The following B4GALNT2 variants were observed in gnomAD, a reference collection of about 807,000 sequenced individuals.
B4GALNT2 encodes the protein N-acetylneuraminylgalactosylglucosyl-glucoside beta-1,4-N- acetylgalactosaminyltransferase 2.
B4GALNT2 carries 42 observed loss-of-function variants against 51.1 expected under a neutral mutation model. The observed-to-expected ratio is 0.82, with a 90% CI of 0.64 to 1.06. The LOEUF (loss-of-function observed/expected upper bound fraction) is 1.06, where lower values mean the gene tolerates loss of function less well. Among genes scored for constraint, B4GALNT2 ranks in the 50% least tolerant of loss-of-function variants. The pLI, the probability that B4GALNT2 is intolerant of heterozygous loss-of-function variation, is 0.00. For synonymous variants in B4GALNT2, 253 were observed against 251.7 expected (o/e 1.01, Z -0.05); for missense variants, 602 against 633.6 (o/e 0.95, Z 0.54).
At chr17:49,134,068 TC>T (rs770148665) in intron 1 of B4GALNT2, among the ~76,000 whole-genome samples, 1 of 152,064 alleles carries the variant, frequency 6.6e-6, no homozygotes, top group South Asian at 2.1e-4. Flanking sequence ...TTCCCCAACT[TC>T]CCCCACTCCA....
At chr17:49,163,062 C>A (rs571251388) in intron 7 of B4GALNT2, among the ~76,000 whole-genome samples, 1 of 152,190 alleles carries the variant, frequency 6.6e-6, no homozygotes, top group Middle Eastern at 3.4e-3. Flanking sequence ...TGGCTTCCAG[C>A]ATGCATTAAC....
intron 3 of B4GALNT2, among the ~76,000 whole-genome samples, chr17:49,148,157 G>C (rs1343803192): frequency 6.6e-6 from 1 of 151,806 alleles, no homozygotes; most frequent in Non-Finnish European, 1.5e-5. Flanking sequence ...AAAATTAGTC[G>C]AGCGTGATGG....
intron 4 of B4GALNT2, 25 bp from the exon 5 acceptor site, chr17:49,156,540 TC>T: frequency 6.2e-7 from 1 of 1,613,528 alleles, no homozygotes; most frequent in Non-Finnish European, 8.5e-7. Context: ...TGAGCAGTTT[TC>T]TTTCCTTTTC....
chr17:49,128,693 G>A (rs183672823), upstream of B4GALNT2, among the ~76,000 whole-genome samples: 25 of 152,220 alleles, frequency 1.6e-4, no homozygotes, highest in South Asian at 4.4e-3. Flanking sequence ...CCTTCGGCTC[G>A]AAATTTTAAC....
upstream of B4GALNT2, among the ~76,000 whole-genome samples, chr17:49,127,545 C>A (rs970715511): frequency 3.3e-5 from 5 of 151,862 alleles, no homozygotes; most frequent in African/African-American, 1.2e-4. Flanking sequence ...TTTCTTAGGC[C>A]AATTAATTAG....
chr17:49,157,865 A>C (rs4794024), intron 5 of B4GALNT2, among the ~76,000 whole-genome samples: 152,291 of 152,348 alleles, frequency 1, 76,117 homozygotes, highest in Middle Eastern at 1. Context: ...TTCACGAAGG[A>C]ATTTACTGCT....
chr17:49,136,825 G>C (rs1276646721), intron 1 of B4GALNT2, among the ~76,000 whole-genome samples: 1 of 152,084 alleles, frequency 6.6e-6, no homozygotes, highest in Admixed American at 6.6e-5. Flanking sequence ...GGGATTACAG[G>C]CGTGAACCAC....
the B4GALNT2 span, among the ~76,000 whole-genome samples, chr17:49,125,763 C>T: frequency 2.9e-5 from 4 of 139,960 alleles, no homozygotes; most frequent in Admixed American, 7.0e-5. Context: ...GGGTCAGCCC[C>T]CCGCCCGTCC....
At chr17:49,147,374 C>CTTTTTTTTTTTTTTTT (rs1475311406) in intron 3 of B4GALNT2, among the ~76,000 whole-genome samples, 1 of 143,894 alleles carries the variant, frequency 6.9e-6, no homozygotes, top group African/African-American at 2.5e-5. Flanking sequence ...TCTTTTCTTT[C>CTTTTTTTTTTTTTTTT]TTTCTTTTTT....
At chr17:49,125,369 A>T in the B4GALNT2 span, among the ~76,000 whole-genome samples, 1 of 152,148 alleles carries the variant, frequency 6.6e-6, no homozygotes, top group African/African-American at 2.4e-5. Flanking sequence ...CATGTTGGCC[A>T]GGCTGATCTC....
chr17:49,132,518 C>T (rs2042548284), upstream of B4GALNT2: 1 of 389,118 alleles, frequency 2.6e-6, no homozygotes. Flanking sequence ...ACGGTAGGGA[C>T]CGTGGTGATA....
chr17:49,133,265 G>T, intron 1 of B4GALNT2: 1 of 1,442,750 alleles, frequency 6.9e-7, no homozygotes, highest in East Asian at 3.0e-5. Context: ...TGGACAGTCG[G>T]GGAGCCCGGC....
chr17:49,144,514 T>C (rs2042674529), intron 3 of B4GALNT2, among the ~76,000 whole-genome samples: 1 of 152,234 alleles, frequency 6.6e-6, no homozygotes, highest in Admixed American at 6.5e-5. Flanking sequence ...CGCGGGAAGC[T>C]GACTGGCTGC....
At chr17:49,132,582 C>A (rs1395716573), upstream of B4GALNT2, 3 of 445,138 alleles carry the variant, frequency 6.7e-6, no homozygotes, top group Non-Finnish European at 1.1e-5. Context: ...GAGAGAAGCC[C>A]GATCACCGGC....
In B4GALNT2 at chr17:49,172,482, C is replaced by T. The variant is rs1197879593; in HGVS notation, c.*2754C>T. On this transcript the variant is annotated 3_prime_UTR_variant, in exon 11 of 11. Coordinates refer to ENST00000393354, the MANE Select transcript of B4GALNT2 (RefSeq NM_001159387.2). ...CTGTAGATGCTGTTCAGCTGCTGGC[C>T]TTTAAGCAGGCTCAAAAAATTTAAA... The T allele has an allele frequency of 6.5e-6, 1 of 152,914 alleles. No homozygotes were observed. Among genetic ancestry groups the T allele is most frequent in the Non-Finnish European group, 1.5e-5 (1 of 68,150 alleles). 9.5% of individuals were successfully genotyped at this position (152,914 alleles called of 1,614,324 possible). A position where few individuals can be genotyped will look rare whatever the true frequency, so the allele number is the denominator to read the frequency against.
chr17:49,151,845 C>T (rs1243671645), intron 3 of B4GALNT2, among the ~76,000 whole-genome samples: 1 of 152,002 alleles, frequency 6.6e-6, no homozygotes, highest in African/African-American at 2.4e-5. Context: ...CCCATATACA[C>T]TTTCTTGTGA....
chr17:49,168,645 T>G (rs1398645072), intron 9 of B4GALNT2, 36 bp from the exon 10 acceptor site: 4 of 1,588,072 alleles, frequency 2.5e-6, no homozygotes, highest in East Asian at 4.5e-5. Flanking sequence ...AATATTGATC[T>G]GCACTCTAAC....
chr17:49,126,497 A>G, the B4GALNT2 span, among the ~76,000 whole-genome samples: 534 of 36,842 alleles, frequency 0.014, 3 homozygotes, highest in African/African-American at 0.042. Flanking sequence ...AATGATCAAT[A>G]AAAAAAAAAA....
chr17:49,169,481 G>A, intron 10 of B4GALNT2, 42 bp from the exon 11 acceptor site: 2 of 1,582,370 alleles, frequency 1.3e-6, no homozygotes, highest in Non-Finnish European at 1.7e-6. Context: ...CCACTTTTCT[G>A]ACCGCAGCTC....
Sources: gnomAD v4.1 joint callset for allele counts (sites outside exome capture counted in the v4.1 genomes callset) on GRCh38, gnomAD v4.1.1 for gene constraint, MANE v1.5 for transcripts, NCBI Gene and HGNC (gene_info 2026-07-23, HGNC 2026-07-21) for gene names.